The following TENM4 variants were observed in gnomAD, a reference collection of about 807,000 sequenced individuals.
The protein encoded by TENM4 is teneurin-4.
TENM4 carries 82 observed loss-of-function variants against 243.3 expected under a neutral mutation model. That is an observed-to-expected ratio of 0.34 (90% confidence interval 0.28 to 0.40). The LOEUF (loss-of-function observed/expected upper bound fraction) is 0.40, where lower values mean the gene tolerates loss of function less well. Among genes scored for constraint, TENM4 ranks in the 10% least tolerant of loss-of-function variants. The pLI is 1.00. For synonymous variants in TENM4, 1,412 were observed against 1,456.3 expected (o/e 0.97, Z 0.69); for missense variants, 3,138 against 3,673.3 (o/e 0.85, Z 3.77).
rs147834299 is a variant in TENM4, at chr11:79,400,867, C to T, written c.-321+39642G>A. Among the ~76,000 whole-genome samples the T allele has an allele frequency of 4.5e-4, 69 of 152,342 alleles. No individual in the cohort carries two copies. The East Asian group carries it at 0.011, about 24-fold the overall frequency. ...ACTTTAAAAGAAGCTCCAGAAGGTACACTCAGCTCCAGAGAACTGGAGATA... is the reference window on the plus strand; with the variant it reads ...ACTTTAAAAGAAGCTCCAGAAGGTATACTCAGCTCCAGAGAACTGGAGATA... On this transcript the variant is annotated intron_variant, in intron 1 of 33. Transcript: ENST00000278550.
At chr11:78,742,217 G>T (rs2135914418) in intron 19 of TENM4, among the ~76,000 whole-genome samples, 1 of 152,284 alleles carries the variant, frequency 6.6e-6, no homozygotes, top group East Asian at 1.9e-4. Context: ...ACGGGATGCT[G>T]CTCTCAGAGT....
At chr11:79,194,809 G>A (rs1017733778) in intron 3 of TENM4, among the ~76,000 whole-genome samples, 1 of 152,244 alleles carries the variant, frequency 6.6e-6, no homozygotes, top group Admixed American at 6.5e-5. Flanking sequence ...CAAGCCAGCT[G>A]CAGAAACTTG....
intron 2 of TENM4, among the ~76,000 whole-genome samples, chr11:79,292,164 C>G (rs1034743117): frequency 4.6e-5 from 7 of 152,166 alleles, no homozygotes; most frequent in African/African-American, 1.7e-4. Flanking sequence ...TAAGATGAAG[C>G]TCCACATGAT....
At position 78,672,253 on chromosome 11, in the gene TENM4, T is replaced by A; in HGVS notation, c.5573A>T (p.Lys1858Met). The A allele has an allele frequency of 6.2e-7, 1 of 1,614,074 alleles. No homozygotes were observed. The highest frequency in any genetic ancestry group is 8.5e-7 in the Non-Finnish European group (1 of 1,179,904). ...GTCGTACAGAATCCGAAGGGTGAAC[T>A]TGCGGTGGTCATCATAGATCTTCTC... The part of the protein sequence containing the change: ...RTEKIYDDHR[K>M]FTLRILYDQA... The change falls in exon 31 of 34, where the codon AAG (lysine) becomes ATG (methionine). Residue 1858 changes from lysine (K) to methionine (M), a missense_variant. Transcript: ENST00000278550.
intron 22 of TENM4, among the ~76,000 whole-genome samples, chr11:78,729,037 T>C (rs1177948340): frequency 6.6e-6 from 1 of 152,052 alleles, no homozygotes; most frequent in Non-Finnish European, 1.5e-5. Context: ...CCTATTTTAA[T>C]GGGTAAGTTC....
At chr11:79,121,238 T>C (rs1591297802) in intron 4 of TENM4, among the ~76,000 whole-genome samples, 1 of 152,256 alleles carries the variant, frequency 6.6e-6, no homozygotes, top group Non-Finnish European at 1.5e-5. Flanking sequence ...CTGTCTTCCA[T>C]TCTAGTTTTC....
At chr11:79,384,299 G>C (rs1374525557) in intron 1 of TENM4, among the ~76,000 whole-genome samples, 2 of 152,188 alleles carry the variant, frequency 1.3e-5, no homozygotes, top group Non-Finnish European at 2.9e-5. Context: ...TGCTGTGCAG[G>C]CATGCTTCTT....
At chr11:79,410,892 C>A (rs1858685013) in intron 1 of TENM4, among the ~76,000 whole-genome samples, 3 of 152,112 alleles carry the variant, frequency 2.0e-5, no homozygotes, top group African/African-American at 4.8e-5. Context: ...TCTTTGAGAA[C>A]CTTTCTCCAT....
At chr11:78,976,641 C>T (rs1857661702) in intron 6 of TENM4, among the ~76,000 whole-genome samples, 1 of 152,208 alleles carries the variant, frequency 6.6e-6, no homozygotes, top group African/African-American at 2.4e-5. Flanking sequence ...AATTCCTCTA[C>T]TGTCACTCCA....
chr11:79,126,234 T>G (rs1245147756), intron 4 of TENM4, among the ~76,000 whole-genome samples: 1 of 151,948 alleles, frequency 6.6e-6, no homozygotes, highest in Non-Finnish European at 1.5e-5. Flanking sequence ...GATGGTGGAG[T>G]GAATTAGTCA....
intron 12 of TENM4, among the ~76,000 whole-genome samples, chr11:78,846,087 T>A (rs1858386550): frequency 6.6e-6 from 1 of 152,182 alleles, no homozygotes; most frequent in Non-Finnish European, 1.5e-5. Context: ...TCCAGAAACT[T>A]GGATTTAGAC....
chr11:78,661,399 C>A, intron 33 of TENM4, 50 bp downstream of exon 33: 1 of 1,579,808 alleles, frequency 6.3e-7, no homozygotes, highest in Admixed American at 1.8e-5. Flanking sequence ...GGGACCCCCT[C>A]CAGTAATGTC....
At chr11:79,260,782 C>A (rs1294643683) in intron 2 of TENM4, among the ~76,000 whole-genome samples, 1 of 152,238 alleles carries the variant, frequency 6.6e-6, no homozygotes, top group African/African-American at 2.4e-5. Context: ...GCCCTCCCAC[C>A]TGCCCAGTAT....
At chr11:79,344,640 C>T (rs1857297599) in intron 1 of TENM4, among the ~76,000 whole-genome samples, 1 of 152,196 alleles carries the variant, frequency 6.6e-6, no homozygotes, top group African/African-American at 2.4e-5. Flanking sequence ...TCTCAGAATC[C>T]TTCCCTGTCT....
chr11:78,932,777 T>C (rs1565132176), intron 6 of TENM4, among the ~76,000 whole-genome samples: 2 of 152,136 alleles, frequency 1.3e-5, no homozygotes, highest in Non-Finnish European at 2.9e-5. Context: ...ATAAGGAGCA[T>C]GCAACACAGA....
chr11:79,359,540 A>T (rs540237568), intron 1 of TENM4, among the ~76,000 whole-genome samples: 2 of 152,318 alleles, frequency 1.3e-5, no homozygotes, highest in East Asian at 3.9e-4. Context: ...TATTACAGTC[A>T]CTTCTAGTTT....
At chr11:79,138,339 TAA>T (rs1862157370) in intron 4 of TENM4, among the ~76,000 whole-genome samples, 1 of 118,228 alleles carries the variant, frequency 8.5e-6, no homozygotes, top group African/African-American at 3.2e-5. Flanking sequence ...ATTATATATA[TAA>T]TATATAAAAA....
intron 16 of TENM4, among the ~76,000 whole-genome samples, chr11:78,785,250 C>G (rs1015240444): frequency 6.6e-6 from 1 of 152,076 alleles, no homozygotes; most frequent in East Asian, 1.9e-4. Flanking sequence ...GGGAGGATGA[C>G]ACCGATATAA....
At chr11:79,000,197 A>G (rs1285842020) in intron 6 of TENM4, among the ~76,000 whole-genome samples, 1 of 152,192 alleles carries the variant, frequency 6.6e-6, no homozygotes, top group African/African-American at 2.4e-5. Context: ...TCAGATAAAC[A>G]AAGACTGAGA....
Sources: gnomAD v4.1 joint callset for allele counts (sites outside exome capture counted in the v4.1 genomes callset) on GRCh38, gnomAD v4.1.1 for gene constraint, MANE v1.5 for transcripts, NCBI Gene and HGNC (gene_info 2026-07-23, HGNC 2026-07-21) for gene names.